EYS: variants seen among roughly 807,000 people sequenced by gnomAD.
The protein encoded by EYS is EGF-like photoreceptor maintenance factor.
A neutral mutation model predicts 282.1 loss-of-function variants in EYS; 250 were observed. That is an observed-to-expected ratio of 0.89 (90% CI 0.80 to 0.98). The LOEUF (loss-of-function observed/expected upper bound fraction) is 0.98. EYS is among the 50% of genes least tolerant of loss of function. EYS has a pLI of 0.00. For missense variants in EYS, 4,016 were observed against 3,709.0 expected, an observed-to-expected ratio of 1.08 and a Z score of -2.15; for synonymous variants, 1,355 against 1,282.9, an observed-to-expected ratio of 1.06 and a Z score of -1.20.
intron 2 of EYS, among the ~76,000 whole-genome samples, chr6:65,534,073 T>C (rs936914233): frequency 6.6e-6 from 1 of 152,124 alleles, no homozygotes; most frequent in Non-Finnish European, 1.5e-5. Flanking sequence ...ATTTATATAT[T>C]GTTTTAAAGT....
At chr6:64,663,093 C>A (rs71570691) in intron 22 of EYS, among the ~76,000 whole-genome samples, 80 of 145,640 alleles carry the variant, frequency 5.5e-4, no homozygotes, top group Non-Finnish European at 9.3e-4. Context: ...AAGAGTTAAT[C>A]AGAGCTTAGC....
chr6:64,213,598 T>C (rs75120329), intron 31 of EYS, among the ~76,000 whole-genome samples: 4,124 of 152,190 alleles, frequency 0.027, 57 homozygotes, highest in African/African-American at 0.042. Context: ...TGCATGAGGG[T>C]CACAATTCCG....
chr6:63,825,592 A>G (rs1771438905), intron 36 of EYS, among the ~76,000 whole-genome samples: 2 of 152,218 alleles, frequency 1.3e-5, no homozygotes, highest in Admixed American at 1.3e-4. Flanking sequence ...AATGGCCAGT[A>G]TCAGTCCAGA....
intron 12 of EYS, among the ~76,000 whole-genome samples, chr6:65,114,902 C>T (rs1775323802): frequency 6.6e-6 from 1 of 151,996 alleles, no homozygotes; most frequent in Non-Finnish European, 1.5e-5. Flanking sequence ...TAATGCTAGT[C>T]ATTCCCCTAG....
At chr6:65,599,449 G>C (rs980050605) in intron 2 of EYS, among the ~76,000 whole-genome samples, 1 of 151,970 alleles carries the variant, frequency 6.6e-6, no homozygotes, top group African/African-American at 2.4e-5. Context: ...CCAACCGTCA[G>C]GTCCAAGACT....
intron 12 of EYS, among the ~76,000 whole-genome samples, chr6:65,139,758 G>T (rs1212199999): frequency 6.6e-6 from 1 of 151,942 alleles, no homozygotes; most frequent in Non-Finnish European, 1.5e-5. Flanking sequence ...CTGCTAGTAG[G>T]AATGTAAACT....
chr6:64,226,831 G>A (rs1766265875), intron 31 of EYS, among the ~76,000 whole-genome samples: 1 of 151,976 alleles, frequency 6.6e-6, no homozygotes, highest in South Asian at 2.1e-4. Flanking sequence ...TATGTCTGTG[G>A]GTGACCCATT....
At chr6:64,846,992 A>C (rs917911599) in intron 19 of EYS, among the ~76,000 whole-genome samples, 1 of 141,556 alleles carries the variant, frequency 7.1e-6, no homozygotes, top group Non-Finnish European at 1.6e-5. Flanking sequence ...AAACTGAGTA[A>C]AGCATATTAT....
At chr6:65,693,663 CAG>C (rs1769329865) in intron 1 of EYS, among the ~76,000 whole-genome samples, 1 of 149,844 alleles carries the variant, frequency 6.7e-6, no homozygotes, top group African/African-American at 2.4e-5. Flanking sequence ...AAGATAATGA[CAG>C]AGAAAATTAG....
chr6:64,817,970 T>C (rs1764789633), intron 21 of EYS, among the ~76,000 whole-genome samples: 1 of 152,178 alleles, frequency 6.6e-6, no homozygotes, highest in Non-Finnish European at 1.5e-5. Flanking sequence ...CATAGCAATA[T>C]ATTCACTACG....
chr6:65,351,028 C>A (rs1045530539), intron 9 of EYS, among the ~76,000 whole-genome samples: 6 of 151,602 alleles, frequency 4.0e-5, no homozygotes, highest in Admixed American at 2.6e-4. Flanking sequence ...ATCTTAATGG[C>A]AATTATCAAA....
chr6:64,837,097 T>C (rs779992861), intron 19 of EYS, among the ~76,000 whole-genome samples: 6 of 151,760 alleles, frequency 4.0e-5, no homozygotes, highest in Non-Finnish European at 7.4e-5. Flanking sequence ...CCATCTTTAA[T>C]AGGTTATAGC....
intron 35 of EYS, among the ~76,000 whole-genome samples, chr6:63,897,082 A>G (rs569486274): frequency 6.6e-5 from 10 of 152,172 alleles, no homozygotes; most frequent in Non-Finnish European, 1.5e-4. Flanking sequence ...TGATGTCGTG[A>G]TCTCTCCTTT....
At chr6:64,940,722 A>G (rs1452194067) in intron 15 of EYS, among the ~76,000 whole-genome samples, 1 of 152,020 alleles carries the variant, frequency 6.6e-6, no homozygotes, top group East Asian at 1.9e-4. Flanking sequence ...GTCACATAGT[A>G]TCTATGCCAT....
At chr6:64,010,284 G>T (rs911204247) in intron 33 of EYS, among the ~76,000 whole-genome samples, 4 of 152,014 alleles carry the variant, frequency 2.6e-5, no homozygotes, top group Non-Finnish European at 5.9e-5. Context: ...CGGTGCTCCT[G>T]CTCTGACAGT....
At chr6:64,325,738 C>T (rs1770391384) in intron 29 of EYS, among the ~76,000 whole-genome samples, 1 of 152,080 alleles carries the variant, frequency 6.6e-6, no homozygotes, top group Non-Finnish European at 1.5e-5. Flanking sequence ...CTTCAGGAAA[C>T]ACTGGACACA....
At chr6:64,445,191 C>A (rs1192808127) in intron 26 of EYS, among the ~76,000 whole-genome samples, 2 of 152,068 alleles carry the variant, frequency 1.3e-5, no homozygotes, top group Admixed American at 6.6e-5. Context: ...GTGGTGTTTT[C>A]TATTTAAATA....
chr6:65,254,204 G>A (rs530397), intron 12 of EYS, among the ~76,000 whole-genome samples: 1 of 151,530 alleles, frequency 6.6e-6, no homozygotes, highest in Non-Finnish European at 1.5e-5. Flanking sequence ...ATCCCTTCCC[G>A]CACCCACACA....
At chr6:65,706,041 A>C (rs1769866137) in intron 1 of EYS, among the ~76,000 whole-genome samples, 1 of 151,794 alleles carries the variant, frequency 6.6e-6, no homozygotes, top group African/African-American at 2.4e-5. Flanking sequence ...ACTGCAAAGT[A>C]ATATATATCA....
Sources: gnomAD v4.1 joint callset for allele counts (sites outside exome capture counted in the v4.1 genomes callset) on GRCh38, gnomAD v4.1.1 for gene constraint, MANE v1.5 for transcripts, NCBI Gene and HGNC (gene_info 2026-07-23, HGNC 2026-07-21) for gene names.